LPP: variants seen among roughly 807,000 people sequenced by gnomAD.
LPP encodes lipoma-preferred partner.
Under a neutral mutation model 60.4 loss-of-function variants are expected in LPP, and 38 were observed. That is an observed-to-expected ratio of 0.63 (90% CI 0.49 to 0.83). The LOEUF is 0.83. Among genes scored for constraint, LPP ranks in the 40% least tolerant of loss-of-function variants. The pLI is 0.00. For missense variants in LPP, 902 were observed against 783.6 expected (o/e 1.15, Z -1.80); for synonymous variants, 328 against 290.8 (o/e 1.13, Z -1.30).
chr3:188,403,463 AT>A (rs555689667), intron 3 of LPP, among the ~76,000 whole-genome samples: 72 of 152,338 alleles, frequency 4.7e-4, no homozygotes, highest in African/African-American at 1.5e-3. Flanking sequence ...AAAAATTATA[AT>A]TAACATTTAT....
chr3:188,821,682 C>G (rs912180690), intron 9 of LPP, among the ~76,000 whole-genome samples: 1 of 151,962 alleles, frequency 6.6e-6, no homozygotes, highest in Admixed American at 6.6e-5. Flanking sequence ...ATATGGCATA[C>G]ATGTACACGT....
chr3:188,301,876 T>A (rs1406658712), intron 2 of LPP, among the ~76,000 whole-genome samples: 1 of 151,726 alleles, frequency 6.6e-6, no homozygotes, highest in Non-Finnish European at 1.5e-5. Flanking sequence ...AGGCTGGTGT[T>A]GAACTCCCGG....
intron 7 of LPP, among the ~76,000 whole-genome samples, chr3:188,694,254 C>T (rs1862725130): frequency 6.6e-6 from 1 of 152,110 alleles, no homozygotes; most frequent in Non-Finnish European, 1.5e-5. Flanking sequence ...TATTATTTAC[C>T]TGTTTTTCCC....
At chr3:188,696,538 T>C (rs6789732) in intron 7 of LPP, among the ~76,000 whole-genome samples, 36,455 of 152,064 alleles carry the variant, frequency 0.24, 5,070 homozygotes, top group Middle Eastern at 0.46. Flanking sequence ...GAGCTGAGAT[T>C]ATGCCACTGC....
intron 8 of LPP, among the ~76,000 whole-genome samples, chr3:188,752,185 A>G (rs1345981714): frequency 4.6e-5 from 7 of 152,230 alleles, no homozygotes; most frequent in African/African-American, 1.7e-4. Flanking sequence ...AGTTATGATC[A>G]TCTCCCTCTT....
chr3:188,826,559 C>A (rs1262970167), intron 9 of LPP, among the ~76,000 whole-genome samples: 1 of 152,128 alleles, frequency 6.6e-6, no homozygotes, highest in Non-Finnish European at 1.5e-5. Context: ...CCATGGGTTC[C>A]TCTAACTCCC....
At chr3:188,640,739 A>G (rs1401594372) in intron 7 of LPP, among the ~76,000 whole-genome samples, 3 of 151,902 alleles carry the variant, frequency 2.0e-5, no homozygotes, top group Non-Finnish European at 4.4e-5. Flanking sequence ...TTAAACTTGA[A>G]TATATCAGAA....
chr3:188,242,149 A>G (rs949730742), intron 2 of LPP, among the ~76,000 whole-genome samples: 4 of 152,210 alleles, frequency 2.6e-5, no homozygotes, highest in African/African-American at 9.7e-5. Context: ...ATCCTTAAAT[A>G]TATGGCACAC....
intron 4 of LPP, among the ~76,000 whole-genome samples, chr3:188,467,917 T>A (rs1800870858): frequency 6.6e-6 from 1 of 152,174 alleles, no homozygotes; most frequent in South Asian, 2.1e-4. Flanking sequence ...GATAAATATA[T>A]TTCTGTTCTT....
intron 2 of LPP, among the ~76,000 whole-genome samples, chr3:188,304,360 G>C (rs887018335): frequency 1.3e-5 from 2 of 152,166 alleles, no homozygotes; most frequent in Non-Finnish European, 2.9e-5. Context: ...AGCCTAAAAG[G>C]TGGGCAGGGA....
chr3:188,464,399 T>G (rs982468748), intron 4 of LPP, among the ~76,000 whole-genome samples: 2 of 152,192 alleles, frequency 1.3e-5, no homozygotes, highest in African/African-American at 2.4e-5. Flanking sequence ...AGTCACATTT[T>G]GAGTGCTCAG....
At chr3:188,218,384 C>T (rs766905918) in intron 1 of LPP, among the ~76,000 whole-genome samples, 1 of 152,120 alleles carries the variant, frequency 6.6e-6, no homozygotes, top group Non-Finnish European at 1.5e-5. Context: ...CTCTAGCCAC[C>T]AGGCCAAAGC....
At position 188,725,247 on chromosome 3, in the gene LPP, C is replaced by G. The variant is rs182208058; in HGVS notation, c.1240+16854C>G. 300 of 152,382 alleles carry G rather than the reference C, an allele frequency of 2.0e-3. 2 individuals are homozygous for G. Among genetic ancestry groups the G allele is most frequent in the African/African-American group, 6.9e-3 (287 of 41,580 alleles). The allele number at this position is 152,382 out of a possible 1,614,324, so 9.4% of individuals were successfully genotyped here. A position where few individuals can be genotyped will look rare whatever the true frequency, so the allele number is the denominator to read the frequency against. Reference sequence around the variant, plus strand: ...CTGGAACCTGCTGTGTTCTACCTCTCTGGTCACAGGTGGTATGGGGATACT... The same window carrying G: ...CTGGAACCTGCTGTGTTCTACCTCTGTGGTCACAGGTGGTATGGGGATACT... On this transcript the variant is annotated intron_variant, in intron 8 of 11. Transcript: ENST00000617246.
chr3:188,307,662 T>C (rs1212758317), intron 2 of LPP, among the ~76,000 whole-genome samples: 1 of 152,202 alleles, frequency 6.6e-6, no homozygotes, highest in Non-Finnish European at 1.5e-5. Context: ...GCCTGGCACA[T>C]AATAGATGCT....
chr3:188,465,069 T>C, intron 4 of LPP, among the ~76,000 whole-genome samples: 1 of 151,396 alleles, frequency 6.6e-6, no homozygotes, highest in East Asian at 1.9e-4. Context: ...TTTTATCAAA[T>C]TAGGATAATA....
chr3:188,237,734 C>CCG (rs1553825901), intron 2 of LPP, among the ~76,000 whole-genome samples: 4 of 151,628 alleles, frequency 2.6e-5, no homozygotes, highest in Non-Finnish European at 5.9e-5. Flanking sequence ...ATGCTGGAAA[C>CCG]AGTGCTTTCA....
rs946911727 is a variant in LPP at position 188,882,587 on chromosome 3, A to G, written c.*8108A>G. On this transcript the variant is annotated 3_prime_UTR_variant, in exon 12 of 12. Coordinates refer to ENST00000617246, the MANE Select transcript of LPP (RefSeq NM_001375462.1). ...CCACAGCTACATCTTCTATTCTTGCAGCAAGGGTACATGTCCTTTGACCCT... is the reference window on the plus strand; with the variant it reads ...CCACAGCTACATCTTCTATTCTTGCGGCAAGGGTACATGTCCTTTGACCCT... The G allele has an allele frequency of 2.7e-5, 6 of 222,046 alleles. No homozygotes were observed. The highest frequency in any genetic ancestry group is 4.5e-5 in the Non-Finnish European group (5 of 111,130). The allele number at this position is 222,046 out of a possible 1,614,324, so 13.8% of individuals were successfully genotyped here.
intron 5 of LPP, among the ~76,000 whole-genome samples, chr3:188,522,325 A>G (rs918405590): frequency 1.1e-4 from 17 of 152,286 alleles, no homozygotes; most frequent in Admixed American, 9.8e-4. Context: ...ATACACACAT[A>G]GTTACCAGTG....
rs148971918 is a variant in LPP, at chr3:188,609,138, C to CT, written c.430-15dup. On this transcript the variant is annotated intron_variant, in intron 6 of 11. Transcript: ENST00000617246. This position sits in a 1 kb window ranked among gnomAD's most constrained non-coding sequence, Gnocchi z 6.9. ...GCAGTAATTTTTGCTTTCTTTCTTT[C>CT]TTTTTTTTCCTATTCTTTTTAGAGC... The CT allele has an allele frequency of 0.19, 293,552 of 1,524,214 alleles. 29,906 individuals are homozygous for CT. Among genetic ancestry groups the CT allele is most frequent in the East Asian group, 0.33 (14,364 of 43,660 alleles). 94.4% of individuals were successfully genotyped at this position (1,524,214 alleles called of 1,614,324 possible). A position where few individuals can be genotyped will look rare whatever the true frequency, so the allele number is the denominator to read the frequency against.
Sources: gnomAD v4.1 joint callset for allele counts (sites outside exome capture counted in the v4.1 genomes callset) on GRCh38, gnomAD v4.1.1 for gene constraint, Gnocchi (gnomAD v3.1) non-coding constraint, MANE v1.5 for transcripts, NCBI Gene and HGNC (gene_info 2026-07-23, HGNC 2026-07-21) for gene names.